SENP1: variants seen among roughly 807,000 people sequenced by gnomAD.
SENP1 encodes the protein sentrin-specific protease 1.
Under a neutral mutation model 93.0 loss-of-function variants are expected in SENP1, and 21 were observed. The observed-to-expected ratio is 0.23, with a 90% CI of 0.16 to 0.33. SENP1 has a LOEUF of 0.33. Among genes scored for constraint, SENP1 ranks in the 10% least tolerant of loss-of-function variants. The pLI is 1.00. For missense variants in SENP1, 591 were observed against 758.7 expected (o/e 0.78, Z 2.60); for synonymous variants, 256 against 259.6 (o/e 0.99, Z 0.13).
intron 1 of SENP1, among the ~76,000 whole-genome samples, chr12:48,102,194 G>A (rs1945983926): frequency 6.6e-6 from 1 of 152,174 alleles, no homozygotes. Context: ...GGAGGCCGAG[G>A]AGGGCAGATC....
In SENP1 at chr12:48,083,604, C is replaced by T; in HGVS notation, c.539G>A (p.Ser180Asn). 2 of 1,613,714 alleles carry T rather than the reference C, an allele frequency of 1.2e-6. No homozygotes were observed. Among genetic ancestry groups the T allele is most frequent in the Non-Finnish European group, 1.7e-6 (2 of 1,179,766 alleles). ...CGTTTTCCTTACCTCTTCTGCTGTA[C>T]TAACATGTCGCCTCTGAGTTTTCTT... ...SPKKTQRRHV[S>N]TAEETVQEEE... The change falls in exon 6 of 18, where the codon AGT becomes AAT. Residue 180 changes from serine to asparagine, a missense_variant. Ser to Asn is a conservative substitution (Grantham distance 46). Coordinates refer to ENST00000549518, the MANE Select transcript of SENP1 (RefSeq NM_001267594.2).
chr12:48,047,918 G>T, intron 15 of SENP1, 83 bp downstream of exon 15: 1 of 821,308 alleles, frequency 1.2e-6, no homozygotes, highest in Non-Finnish European at 2.1e-6. Flanking sequence ...TCCATTGAAG[G>T]TATCAAACAA....
intron 1 of SENP1, among the ~76,000 whole-genome samples, chr12:48,104,356 TAAG>T (rs766026584): frequency 7.1e-6 from 1 of 140,350 alleles, no homozygotes; most frequent in Non-Finnish European, 1.5e-5. Context: ...ATTTATGATA[TAAG>T]AAGGGTGTGA....
intron 1 of SENP1, among the ~76,000 whole-genome samples, chr12:48,102,431 C>CAAAAAAAAAAA (rs57161608): frequency 8.4e-5 from 4 of 47,456 alleles, no homozygotes; most frequent in East Asian, 8.7e-4. Context: ...GACTCTGTCT[C>CAAAAAAAAAAA]AAAAAAAAAA....
intron 12 of SENP1, 105 bp downstream of exon 12, chr12:48,064,960 A>G: frequency 1.2e-6 from 1 of 804,370 alleles, no homozygotes; most frequent in East Asian, 2.5e-5. Flanking sequence ...TACAGGCGTG[A>G]GCCACCGTGC....
At chr12:48,065,288 G>T (rs1943222884) in intron 11 of SENP1, 68 bp from the exon 12 acceptor site, 2 of 1,233,926 alleles carry the variant, frequency 1.6e-6, no homozygotes, top group Non-Finnish European at 2.2e-6. Flanking sequence ...TTATGATAGG[G>T]TTATGTCCCA....
intron 13 of SENP1, chr12:48,063,509 T>C: frequency 2.1e-6 from 1 of 479,316 alleles, no homozygotes; most frequent in South Asian, 4.1e-5. Context: ...GTTCTCAGAC[T>C]TTAAAATACA....
At chr12:48,076,488 C>T (rs1944090189) in intron 6 of SENP1, among the ~76,000 whole-genome samples, 1 of 151,912 alleles carries the variant, frequency 6.6e-6, no homozygotes, top group Non-Finnish European at 1.5e-5. Flanking sequence ...CCACACAGAG[C>T]TAATTTTTTT....
chr12:48,055,992 ATT>A (rs1168576781), intron 13 of SENP1, among the ~76,000 whole-genome samples: 2 of 131,340 alleles, frequency 1.5e-5, no homozygotes, highest in Non-Finnish European at 3.1e-5. Flanking sequence ...CATGATATAT[ATT>A]ATTTAATATA....
Position 48,096,448 on chromosome 12 carries a change from T to C in SENP1, c.136-21A>G. The C allele has an allele frequency of 2.6e-6, 4 of 1,547,796 alleles. No homozygotes were observed. The South Asian group carries it at 4.7e-5, about 18-fold the overall frequency. On this transcript the variant is annotated intron_variant, in intron 3 of 17. Coordinates refer to ENST00000549518, the MANE Select transcript of SENP1 (RefSeq NM_001267594.2). ...AAAATCTAAACAAAGCAGAAGATTTTTCTTAAGTCACATTTTTTTTTTTTT... is the reference window on the plus strand; with the variant it reads ...AAAATCTAAACAAAGCAGAAGATTTCTCTTAAGTCACATTTTTTTTTTTTT...
At chr12:48,066,389 C>T (rs1216547821) in intron 10 of SENP1, among the ~76,000 whole-genome samples, 5 of 152,160 alleles carry the variant, frequency 3.3e-5, no homozygotes, top group Non-Finnish European at 7.4e-5. Context: ...TAATAGCTAA[C>T]TCTATTTTTC....
At chr12:48,056,602 T>A (rs1333410307) in intron 13 of SENP1, among the ~76,000 whole-genome samples, 1 of 64,314 alleles carries the variant, frequency 1.6e-5, no homozygotes, top group Non-Finnish European at 2.3e-5. Context: ...AATATATTAT[T>A]TAATATATTA....
chr12:48,059,476 T>C (rs1942814231), intron 13 of SENP1, among the ~76,000 whole-genome samples: 1 of 152,208 alleles, frequency 6.6e-6, no homozygotes, highest in Non-Finnish European at 1.5e-5. Flanking sequence ...CTCCTCATGA[T>C]GTCCATTTTC....
intron 4 of SENP1, among the ~76,000 whole-genome samples, chr12:48,092,704 T>TG (rs1164003631): frequency 2.6e-5 from 4 of 152,196 alleles, no homozygotes; most frequent in Non-Finnish European, 5.9e-5. Flanking sequence ...AAAAAAAAGG[T>TG]ACTCAAGTGA....
intron 12 of SENP1, 54 bp from the exon 13 acceptor site, chr12:48,063,895 G>T (rs936824448): frequency 1.3e-6 from 2 of 1,528,468 alleles, no homozygotes; most frequent in African/African-American, 2.7e-5. Flanking sequence ...CAGAAAAACC[G>T]TATTTCTCAC....
At chr12:48,058,010 G>A (rs1327997664) in intron 13 of SENP1, among the ~76,000 whole-genome samples, 2 of 135,730 alleles carry the variant, frequency 1.5e-5, no homozygotes, top group South Asian at 4.7e-4. Flanking sequence ...GCAGTGGCGT[G>A]ATCTCAGTCA....
intron 14 of SENP1, among the ~76,000 whole-genome samples, chr12:48,048,512 G>C (rs990501864): frequency 3.3e-5 from 5 of 152,186 alleles, no homozygotes; most frequent in Admixed American, 2.6e-4. Context: ...ATCCAAAACA[G>C]ACTGTGAAAT....
At chr12:48,065,743 T>G (rs1488418491) in intron 10 of SENP1, 63 bp from the exon 11 acceptor site, 22 of 1,023,252 alleles carry the variant, frequency 2.2e-5, no homozygotes. Flanking sequence ...ATATTGTTGA[T>G]GTACACTGAA....
intron 12 of SENP1, among the ~76,000 whole-genome samples, chr12:48,064,528 T>G (rs970152532): frequency 2.6e-5 from 4 of 152,222 alleles, no homozygotes; most frequent in African/African-American, 9.6e-5. Context: ...ACAAATGTAT[T>G]AAATGCTTCT....
Sources: allele counts gnomAD v4.1 joint callset (sites outside exome capture counted in the v4.1 genomes callset), GRCh38; gene constraint gnomAD v4.1.1; transcripts MANE v1.5; gene names NCBI Gene and HGNC (gene_info 2026-07-23, HGNC 2026-07-21).